SOX5: variants seen among roughly 807,000 people sequenced by gnomAD.
SOX5 encodes SRY-box transcription factor 5, also known as transcription factor SOX-5.
In SOX5, 9 loss-of-function variants were observed where a neutral mutation model predicts 92.0. The ratio of observed to expected loss-of-function variants is 0.10; its 90% CI spans 0.06 to 0.17. SOX5 has a LOEUF of 0.17. SOX5 is among the 10% of genes least tolerant of loss of function. The probability of loss-of-function intolerance (pLI) is 1.00; values close to 1 mark genes in which losing one functional copy is unlikely to be tolerated. For synonymous variants in SOX5, 344 were observed against 336.3 expected, an observed-to-expected ratio of 1.02 and a Z score of -0.25; for missense variants, 642 against 944.5, an observed-to-expected ratio of 0.68 and a Z score of 4.20.
chr12:24,245,797 A>G (rs1316101017), intron 3 of SOX5, among the ~76,000 whole-genome samples: 1 of 152,256 alleles, frequency 6.6e-6, no homozygotes, highest in African/African-American at 2.4e-5. Flanking sequence ...GAGAATATAG[A>G]GCAGCTAAGG....
At chr12:23,942,473 T>C (rs1943832653) in intron 1 of SOX5, among the ~76,000 whole-genome samples, 1 of 151,952 alleles carries the variant, frequency 6.6e-6, no homozygotes, top group Admixed American at 6.6e-5. Flanking sequence ...GGTCTACCTC[T>C]TGTTTTACTC....
chr12:23,931,686 T>C (rs1027314764), intron 1 of SOX5, among the ~76,000 whole-genome samples: 3 of 151,754 alleles, frequency 2.0e-5, no homozygotes, highest in Admixed American at 6.6e-5. Flanking sequence ...AGATTATTTC[T>C]GATTTTCAAT....
chr12:24,197,810 C>T (rs916629814), intron 4 of SOX5, among the ~76,000 whole-genome samples: 3 of 152,128 alleles, frequency 2.0e-5, no homozygotes, highest in Non-Finnish European at 4.4e-5. Flanking sequence ...GGACTGCATC[C>T]GCGTATCCAC....
intron 6 of SOX5, among the ~76,000 whole-genome samples, chr12:23,680,341 A>G (rs1339605465): frequency 2.0e-5 from 3 of 150,294 alleles, no homozygotes; most frequent in Non-Finnish European, 4.4e-5. Flanking sequence ...AAAAAAAAAA[A>G]AAAAAAGAAA....
intron 3 of SOX5, chr12:23,762,618 A>C (rs1465659728): frequency 3.7e-6 from 2 of 542,674 alleles, no homozygotes; most frequent in African/African-American, 3.9e-5. Context: ...AAAAAGAAAA[A>C]AAAAAAAGTC....
intron 4 of SOX5, among the ~76,000 whole-genome samples, chr12:24,051,360 C>T (rs1006029575): frequency 1.3e-5 from 2 of 152,026 alleles, no homozygotes; most frequent in African/African-American, 4.8e-5. Flanking sequence ...TAGTCTAGTA[C>T]ACACACATAA....
intron 9 of SOX5, among the ~76,000 whole-genome samples, chr12:23,588,979 T>A (rs910693427): frequency 1.1e-4 from 17 of 151,958 alleles, no homozygotes; most frequent in Non-Finnish European, 2.1e-4. Context: ...GGCTGTATCA[T>A]GTAACCTAAG....
chr12:23,697,481 C>T (rs1234024434), intron 6 of SOX5, among the ~76,000 whole-genome samples: 2 of 152,038 alleles, frequency 1.3e-5, no homozygotes, highest in Non-Finnish European at 2.9e-5. Flanking sequence ...GTGTGTCTTC[C>T]TTCTTTTTTG....
chr12:23,892,962 T>C (rs2097143108), intron 2 of SOX5, among the ~76,000 whole-genome samples: 1 of 152,174 alleles, frequency 6.6e-6, no homozygotes, highest in Admixed American at 6.5e-5. Flanking sequence ...TGAGCTATGA[T>C]TGTGCCACTG....
In SOX5 at chr12:23,531,584, A is replaced by AAAGAC. The variant is rs1270880863; in HGVS notation, c.*2630_*2634dup. 2.0e-5 allele frequency: 3 copies of AAAGAC among 152,234 alleles called. No individual in the cohort carries two copies. Among genetic ancestry groups the AAAGAC allele is most frequent in the Non-Finnish European group, 4.4e-5 (3 of 68,044 alleles). 9.4% of individuals were successfully genotyped at this position (152,234 alleles called of 1,614,324 possible). On this transcript the variant is annotated 3_prime_UTR_variant, in exon 15 of 15. Transcript: ENST00000451604. ...CATAAATCGGAAGGAATTTGTTAAC[A>AAAGAC]AAGACAGAGAACAAATTTTTTAAAA... is the stretch of plus-strand genomic sequence containing the variant.
At chr12:24,137,277 CT>C (rs1367389246) in intron 4 of SOX5, among the ~76,000 whole-genome samples, 1 of 152,052 alleles carries the variant, frequency 6.6e-6, no homozygotes, top group Non-Finnish European at 1.5e-5. Context: ...TCTGGTGTGC[CT>C]TGTACTGAGG....
At chr12:23,724,217 G>C (rs1285940645) in intron 6 of SOX5, among the ~76,000 whole-genome samples, 1 of 151,986 alleles carries the variant, frequency 6.6e-6, no homozygotes, top group Non-Finnish European at 1.5e-5. Context: ...GTAAGAAGAG[G>C]GAGGAAGACA....
intron 4 of SOX5, among the ~76,000 whole-genome samples, chr12:24,079,675 T>A (rs768556024): frequency 2.6e-5 from 4 of 151,950 alleles, no homozygotes; most frequent in Non-Finnish European, 5.9e-5. Flanking sequence ...ATTAAATTAA[T>A]ATAGTATCAA....
chr12:24,333,399 T>C (rs1951546084), intron 2 of SOX5, among the ~76,000 whole-genome samples: 2 of 152,110 alleles, frequency 1.3e-5, no homozygotes, highest in African/African-American at 4.8e-5. Context: ...ACCAAGCTCA[T>C]GTATGAATAC....
At chr12:24,428,730 A>T (rs1350306010) in intron 1 of SOX5, among the ~76,000 whole-genome samples, 3 of 57,888 alleles carry the variant, frequency 5.2e-5, no homozygotes, top group African/African-American at 1.8e-4. Flanking sequence ...GTTTCTCAAA[A>T]AAAAAAAAAA....
chr12:24,247,644 ACT>A (rs1939113536), intron 3 of SOX5, among the ~76,000 whole-genome samples: 1 of 89,738 alleles, frequency 1.1e-5, no homozygotes, highest in Admixed American at 1.2e-4. Flanking sequence ...TTATTTATTT[ACT>A]TTTTTTTTTT....
intron 1 of SOX5, among the ~76,000 whole-genome samples, chr12:24,401,190 ATGAATAC>A (rs1961463345): frequency 6.6e-6 from 1 of 151,884 alleles, no homozygotes; most frequent in Non-Finnish European, 1.5e-5. Flanking sequence ...TATCTCTAAT[ATGAATAC>A]AAAAATTAGC....
intron 2 of SOX5, among the ~76,000 whole-genome samples, chr12:24,361,667 G>A (rs750026622): frequency 2.8e-4 from 42 of 151,832 alleles, no homozygotes; most frequent in East Asian, 1.9e-4. Context: ...GTGCGCACAC[G>A]CACATGTGCA....
intron 4 of SOX5, among the ~76,000 whole-genome samples, chr12:24,036,284 C>A (rs762967687): frequency 6.6e-6 from 1 of 152,048 alleles, no homozygotes; most frequent in East Asian, 1.9e-4. Context: ...TGCCCAGTGC[C>A]TCCTGGGCCT....
Sources: allele counts gnomAD v4.1 joint callset (sites outside exome capture counted in the v4.1 genomes callset), GRCh38; gene constraint gnomAD v4.1.1; transcripts MANE v1.5; gene names NCBI Gene and HGNC (gene_info 2026-07-23, HGNC 2026-07-21).